GRB2: variants seen among roughly 807,000 people sequenced by gnomAD.
GRB2 encodes growth factor receptor bound protein 2.
A neutral mutation model predicts 27.4 loss-of-function variants in GRB2; 2 were observed. The ratio of observed to expected loss-of-function variants is 0.07; its 90% confidence interval spans 0.03 to 0.23. The LOEUF is 0.23. Among genes scored for constraint, GRB2 ranks in the 10% least tolerant of loss-of-function variants. GRB2 has a pLI of 1.00. For synonymous variants in GRB2, 94 were observed against 99.6 expected, an observed-to-expected ratio of 0.94 and a Z score of 0.33; for missense variants, 102 against 282.4, an observed-to-expected ratio of 0.36 and a Z score of 4.58.
At chr17:75,396,390 G>C (rs1470395439) in intron 1 of GRB2, among the ~76,000 whole-genome samples, 1 of 151,866 alleles carries the variant, frequency 6.6e-6, no homozygotes, top group Non-Finnish European at 1.5e-5. Flanking sequence ...CTACAGGTGT[G>C]GGCCACTATG....
chr17:75,348,706 ACT>A (rs1249038097), intron 2 of GRB2, among the ~76,000 whole-genome samples: 4 of 152,064 alleles, frequency 2.6e-5, no homozygotes, highest in African/African-American at 9.7e-5. Flanking sequence ...ACAGGGTCTT[ACT>A]CTGTTACCCA....
In GRB2 at chr17:75,390,870, G is replaced by C. The variant is rs116013750; in HGVS notation, c.78+2681C>G. On this transcript the variant is annotated intron_variant, in intron 2 of 5. Transcript: ENST00000316804. ...TCCATATGCACGTCTCCTTTATCAA[G>C]AGAAGGCATATATATGCCTATTTCA... Among the ~76,000 whole-genome samples, 1,441 of 152,270 alleles carry C rather than the reference G, an allele frequency of 9.5e-3. 26 individuals carry two copies. The highest frequency in any genetic ancestry group is 0.048 in the South Asian group (233 of 4,826).
At chr17:75,345,694 TACCCCCACCCCC>T (rs531480418) in intron 2 of GRB2, among the ~76,000 whole-genome samples, 6 of 151,868 alleles carry the variant, frequency 4.0e-5, no homozygotes, top group Admixed American at 1.3e-4. Flanking sequence ...GGCAAGTCCC[TACCCCCACCCCC>T]ACCCCCACCC....
chr17:75,353,927 C>T lies in GRB2; in HGVS notation c.79-21130G>A, dbSNP rs571399974. Among the ~76,000 whole-genome samples, 228 of 151,872 alleles carry T rather than the reference C, an allele frequency of 1.5e-3. 2 individuals carry two copies. Among genetic ancestry groups the T allele is most frequent in the Non-Finnish European group, 9.1e-4 (62 of 67,954 alleles). On this transcript the variant is annotated intron_variant, in intron 2 of 5. Coordinates refer to ENST00000316804, the MANE Select transcript of GRB2 (RefSeq NM_002086.5). ...TGGTGGTGCATGCCTGTAATCCCAG[C>T]TACTTGGGAGGCTGAGGCAGGAGAA...
chr17:75,380,809 T>C (rs2145862604), intron 2 of GRB2, among the ~76,000 whole-genome samples: 1 of 152,364 alleles, frequency 6.6e-6, no homozygotes, highest in Non-Finnish European at 1.5e-5. Context: ...GTCAAGCATC[T>C]TACATGCTGA....
rs1370211430 is a variant in GRB2, at chr17:75,319,383, C to T, written c.*985G>A. On this transcript the variant is annotated 3_prime_UTR_variant, in exon 6 of 6. Transcript: ENST00000316804. Reference sequence around the variant, plus strand: ...TAAGGAAAAAGGCACTATGAAAAAACAACATGCTCGATAATCCCACTGGAA... The same window carrying T: ...TAAGGAAAAAGGCACTATGAAAAAATAACATGCTCGATAATCCCACTGGAA... 6.9e-6 allele frequency: 1 copy of T among 145,732 alleles called. No homozygotes were observed. The highest frequency in any genetic ancestry group is 2.1e-4 in the South Asian group (1 of 4,686). 9.0% of individuals were successfully genotyped at this position (145,732 alleles called of 1,614,324 possible). A position where few individuals can be genotyped will look rare whatever the true frequency, so the allele number is the denominator to read the frequency against.
At chr17:75,324,715 C>G (rs149067840) in intron 4 of GRB2, among the ~76,000 whole-genome samples, 1 of 151,874 alleles carries the variant, frequency 6.6e-6, no homozygotes, top group South Asian at 2.1e-4. Flanking sequence ...CAGGGTTTCA[C>G]CATGTTGGCC....
rs558139611 is a variant in GRB2 at position 75,350,641 on chromosome 17, G to A, written c.79-17844C>T. 4.6e-5 allele frequency among the ~76,000 whole-genome samples: 7 copies of A among 152,210 alleles called. No individual in the cohort carries two copies. In the South Asian group the frequency reaches 1.0e-3, roughly 23 times the overall value. On this transcript the variant is annotated intron_variant, in intron 2 of 5. Coordinates refer to ENST00000316804, the MANE Select transcript of GRB2 (RefSeq NM_002086.5). Reference sequence around the variant, plus strand: ...CAAATAGCTGGAACTACAGGCACCCGTCACCACGCGCAGCTAATTTTTTTG... The same window carrying A: ...CAAATAGCTGGAACTACAGGCACCCATCACCACGCGCAGCTAATTTTTTTG...
chr17:75,359,507 A>AAATAATAATAAT (rs10628038), intron 2 of GRB2, among the ~76,000 whole-genome samples: 17 of 148,294 alleles, frequency 1.1e-4, no homozygotes, highest in East Asian at 4.0e-4. Flanking sequence ...CATTGTCTCA[A>AAATAATAATAAT]AATAATAATA....
rs200115392 is a variant in GRB2 at position 75,358,429 on chromosome 17, T to C, written c.79-25632A>G. On this transcript the variant is annotated intron_variant, in intron 2 of 5. Transcript: ENST00000316804. ...TTCCAATTTAAGTTGCATTCTAGCCTCTTTCCATTATTTATCTGTGGCATG... is the reference window on the plus strand; with the variant it reads ...TTCCAATTTAAGTTGCATTCTAGCCCCTTTCCATTATTTATCTGTGGCATG... Among the ~76,000 whole-genome samples the C allele has an allele frequency of 3.0e-4, 45 of 152,278 alleles. No individual in the cohort carries two copies. In the East Asian group the frequency reaches 8.1e-3, roughly 27 times the overall value.
intron 2 of GRB2, among the ~76,000 whole-genome samples, chr17:75,355,542 C>A (rs1432624277): frequency 1.4e-5 from 2 of 138,706 alleles, no homozygotes; most frequent in Non-Finnish European, 3.0e-5. Flanking sequence ...CTGGGCCATA[C>A]TGGAAAAAAA....
chr17:75,320,236 G>A lies in GRB2; in HGVS notation c.*132C>T. ...CCCCCTAAAGTTCCAACCAAAGTGA[G>A]AGGGTCACAGGGTGACCCGGCCAGG... On this transcript the variant is annotated 3_prime_UTR_variant, in exon 6 of 6. Coordinates refer to ENST00000316804, the MANE Select transcript of GRB2 (RefSeq NM_002086.5). The surrounding 1 kb of genome is among the most constrained non-coding windows in gnomAD (Gnocchi z 4.3). 1.4e-6 allele frequency: 1 copy of A among 703,106 alleles called. No homozygotes were observed. Among genetic ancestry groups the A allele is most frequent in the Non-Finnish European group, 2.4e-6 (1 of 417,512 alleles). The allele number at this position is 703,106 out of a possible 1,614,324, so 43.6% of individuals were successfully genotyped here. A position where few individuals can be genotyped will look rare whatever the true frequency, so the allele number is the denominator to read the frequency against.
At chr17:75,356,776 T>C (rs1020835271) in intron 2 of GRB2, among the ~76,000 whole-genome samples, 7 of 152,172 alleles carry the variant, frequency 4.6e-5, no homozygotes, top group Non-Finnish European at 1.0e-4. Context: ...ACAGAAGTGA[T>C]CATTTCCTTC....
chr17:75,351,030 T>C (rs1293158231), intron 2 of GRB2, among the ~76,000 whole-genome samples: 3 of 151,808 alleles, frequency 2.0e-5, no homozygotes, highest in African/African-American at 7.3e-5. Flanking sequence ...ATTAGGATGA[T>C]GGTTCTGGCT....
chr17:75,391,515 A>T (rs60405814), intron 2 of GRB2, among the ~76,000 whole-genome samples: 17,640 of 152,166 alleles, frequency 0.12, 1,690 homozygotes, highest in African/African-American at 0.27. Flanking sequence ...TTGTTTAAAA[A>T]TTTTAAAAAA....
Position 75,347,121 on chromosome 17 carries a change from A to G in GRB2, c.79-14324T>C, listed in dbSNP as rs116144316. ...TCCCTGTCGTAGGCCTCATGGTGGT[A>G]ACCTGATTACCAGCTGTGGACACTG... On this transcript the variant is annotated intron_variant, in intron 2 of 5. Coordinates refer to ENST00000316804, the MANE Select transcript of GRB2 (RefSeq NM_002086.5). 5.7e-3 allele frequency among the ~76,000 whole-genome samples: 874 copies of G among 152,218 alleles called. 9 individuals are homozygous for G. Among genetic ancestry groups the G allele is most frequent in the African/African-American group, 0.02 (820 of 41,528 alleles).
At chr17:75,341,656 A>T (rs1407268390) in intron 2 of GRB2, among the ~76,000 whole-genome samples, 1 of 151,924 alleles carries the variant, frequency 6.6e-6, no homozygotes, top group Non-Finnish European at 1.5e-5. Context: ...CCACGGTAAA[A>T]ATCATTCATT....
intron 3 of GRB2, among the ~76,000 whole-genome samples, chr17:75,332,229 T>A (rs2078545959): frequency 6.6e-6 from 1 of 152,200 alleles, no homozygotes; most frequent in African/African-American, 2.4e-5. Context: ...CATATTTTGT[T>A]CTCTTGTAAG....
At chr17:75,358,033 G>A (rs1014790386) in intron 2 of GRB2, among the ~76,000 whole-genome samples, 1 of 152,228 alleles carries the variant, frequency 6.6e-6, no homozygotes, top group South Asian at 2.1e-4. Flanking sequence ...GGGAGGTGGA[G>A]GTTGCAGACG....
Sources: gnomAD v4.1 joint callset for allele counts (sites outside exome capture counted in the v4.1 genomes callset) on GRCh38, gnomAD v4.1.1 for gene constraint, Gnocchi (gnomAD v3.1) non-coding constraint, MANE v1.5 for transcripts, NCBI Gene and HGNC (gene_info 2026-07-23, HGNC 2026-07-21) for gene names.